The following EIF4G3 variants were observed in gnomAD, a reference collection of about 807,000 sequenced individuals.
EIF4G3 encodes eukaryotic translation initiation factor 4 gamma 3.
A neutral mutation model predicts 186.4 loss-of-function variants in EIF4G3; 34 were observed. The ratio of observed to expected loss-of-function variants is 0.18; its 90% CI spans 0.14 to 0.24. EIF4G3 has a LOEUF of 0.24. EIF4G3 is among the 10% of genes least tolerant of loss of function. The pLI is 1.00. For missense variants in EIF4G3, 1,536 were observed against 1,948.5 expected (o/e 0.79, Z 3.99); for synonymous variants, 673 against 679.5 (o/e 0.99, Z 0.15).
chr1:20,896,926 C>A (rs1012266053), intron 16 of EIF4G3, among the ~76,000 whole-genome samples: 2 of 152,186 alleles, frequency 1.3e-5, no homozygotes, highest in Non-Finnish European at 2.9e-5. Context: ...CACTATACAG[C>A]CTAGGTGTGT....
chr1:21,125,581 T>C (rs1240635602), intron 2 of EIF4G3, among the ~76,000 whole-genome samples: 3 of 151,932 alleles, frequency 2.0e-5, no homozygotes, highest in African/African-American at 7.2e-5. Flanking sequence ...TAGCCAGGCA[T>C]GGTGGCGGGT....
intron 4 of EIF4G3, among the ~76,000 whole-genome samples, chr1:21,047,394 T>C (rs1321396352): frequency 6.6e-6 from 1 of 152,184 alleles, no homozygotes. Context: ...GGGGTAACTC[T>C]TAGGAGATTT....
intron 2 of EIF4G3, among the ~76,000 whole-genome samples, chr1:21,114,044 C>T (rs1395276442): frequency 7.2e-5 from 11 of 152,120 alleles, no homozygotes; most frequent in Middle Eastern, 3.4e-3. Context: ...CTGTTCATAT[C>T]GCTACTGATC....
chr1:21,149,026 T>C (rs1369263068), intron 2 of EIF4G3, among the ~76,000 whole-genome samples: 1 of 151,318 alleles, frequency 6.6e-6, no homozygotes, highest in Non-Finnish European at 1.5e-5. Flanking sequence ...AGCCCAGGAG[T>C]TGGAGGTTAC....
At chr1:20,949,978 G>C in intron 13 of EIF4G3, 25 bp downstream of exon 13, 1 of 1,573,658 alleles carries the variant, frequency 6.4e-7, no homozygotes, top group South Asian at 1.1e-5. Context: ...AAAGATAAGA[G>C]GGAGGAAAAC....
intron 14 of EIF4G3, among the ~76,000 whole-genome samples, chr1:20,920,820 T>TA (rs1444561523): frequency 6.6e-6 from 1 of 152,084 alleles, no homozygotes; most frequent in Non-Finnish European, 1.5e-5. Flanking sequence ...TCTCTAGAAA[T>TA]ACTGTTTCAG....
intron 15 of EIF4G3, among the ~76,000 whole-genome samples, chr1:20,900,390 C>G (rs192396445): frequency 6.6e-6 from 1 of 152,170 alleles, no homozygotes; most frequent in East Asian, 1.9e-4. Flanking sequence ...CTTAAAACAT[C>G]TAAGTCCTAT....
At chr1:21,156,684 T>TA (rs1406181343) in intron 2 of EIF4G3, among the ~76,000 whole-genome samples, 1 of 152,202 alleles carries the variant, frequency 6.6e-6, no homozygotes, top group Admixed American at 6.6e-5. Context: ...GTCAAATCCC[T>TA]ATTTTTCTTC....
intron 29 of EIF4G3, among the ~76,000 whole-genome samples, chr1:20,846,281 C>T (rs7515279): frequency 0.55 from 82,785 of 151,884 alleles, 22,960 homozygotes; most frequent in East Asian, 0.83. Context: ...TGCTTTATTT[C>T]TTTCTCTAGC....
intron 4 of EIF4G3, among the ~76,000 whole-genome samples, chr1:21,023,156 T>G (rs1571182326): frequency 6.6e-6 from 1 of 152,072 alleles, no homozygotes; most frequent in South Asian, 2.1e-4. Context: ...ACACGATTCC[T>G]ATGCACAGGG....
chr1:20,983,114 G>C (rs1409419993), intron 7 of EIF4G3, among the ~76,000 whole-genome samples: 1 of 152,102 alleles, frequency 6.6e-6, no homozygotes, highest in African/African-American at 2.4e-5. Flanking sequence ...TAAGTAACTT[G>C]ATCTTGTGCT....
intron 14 of EIF4G3, among the ~76,000 whole-genome samples, chr1:20,935,673 G>C (rs2095496410): frequency 6.6e-6 from 1 of 152,168 alleles, no homozygotes; most frequent in South Asian, 2.1e-4. Flanking sequence ...ATCACCTCAA[G>C]TGTTTATCAT....
At chr1:21,135,546 T>C (rs2097223118) in intron 2 of EIF4G3, among the ~76,000 whole-genome samples, 1 of 152,022 alleles carries the variant, frequency 6.6e-6, no homozygotes, top group Non-Finnish European at 1.5e-5. Flanking sequence ...GGGTAAAAAA[T>C]GAATAGTCCA....
chr1:20,807,678 A>G (rs888844131), intron 36 of EIF4G3, among the ~76,000 whole-genome samples, 178 bp from the exon 37 acceptor site: 1 of 152,162 alleles, frequency 6.6e-6, no homozygotes, highest in African/African-American at 2.4e-5. Flanking sequence ...ACTTGTTTAA[A>G]GAAGAGGAAA....
chr1:21,026,209 G>GA (rs1289095699), intron 4 of EIF4G3, among the ~76,000 whole-genome samples: 1 of 152,080 alleles, frequency 6.6e-6, no homozygotes, highest in African/African-American at 2.4e-5. Flanking sequence ...AAAGTAATTA[G>GA]AAATGGGAAA....
chr1:20,941,304 G>T lies in EIF4G3; in HGVS notation c.1663+187C>A. 3 of 1,555,582 alleles carry T rather than the reference G, an allele frequency of 1.9e-6. No individual in the cohort carries two copies. The South Asian group carries it at 3.5e-5, about 18-fold the overall frequency. On this transcript the variant is annotated intron_variant, in intron 14 of 36. Coordinates refer to ENST00000602326, the MANE Select transcript of EIF4G3 (RefSeq NM_001391906.1). Reference sequence around the variant, plus strand: ...TTGGAAATTCTCATTTGCATTTTTAGACAATGGAGTAACTCTTTTGCAGGT... The same window carrying T: ...TTGGAAATTCTCATTTGCATTTTTATACAATGGAGTAACTCTTTTGCAGGT...
chr1:20,813,738 G>A (rs1444082993), intron 34 of EIF4G3, among the ~76,000 whole-genome samples: 4 of 151,378 alleles, frequency 2.6e-5, no homozygotes. Flanking sequence ...ATGGTGGCAG[G>A]CAGAGGCTGA....
intron 12 of EIF4G3, among the ~76,000 whole-genome samples, 154 bp from the exon 13 acceptor site, chr1:20,950,265 A>G (rs1234690117): frequency 1.3e-5 from 2 of 152,204 alleles, no homozygotes; most frequent in African/African-American, 4.8e-5. Flanking sequence ...CAATTTAATA[A>G]ATTCAAAAGT....
At chr1:20,845,657 A>G (rs1362190298) in intron 29 of EIF4G3, among the ~76,000 whole-genome samples, 1 of 152,020 alleles carries the variant, frequency 6.6e-6, no homozygotes, top group East Asian at 1.9e-4. Context: ...GCAAGACTCC[A>G]TCTCAAGAAA....
Sources: gnomAD v4.1 joint callset for allele counts (sites outside exome capture counted in the v4.1 genomes callset) on GRCh38, gnomAD v4.1.1 for gene constraint, MANE v1.5 for transcripts, NCBI Gene and HGNC (gene_info 2026-07-23, HGNC 2026-07-21) for gene names.